HIP1: variants seen among roughly 807,000 people sequenced by gnomAD.
HIP1 encodes huntingtin interacting protein 1, also known as huntingtin-interacting protein 1.
In HIP1, 65 loss-of-function variants were observed where a neutral mutation model predicts 147.6. The observed-to-expected ratio is 0.44, with a 90% confidence interval of 0.36 to 0.54. HIP1 has a LOEUF of 0.54. HIP1 is among the 20% of genes least tolerant of loss of function. The pLI, the probability that HIP1 is intolerant of heterozygous loss-of-function variation, is 0.00. For synonymous variants in HIP1, 479 were observed against 504.0 expected, an observed-to-expected ratio of 0.95 and a Z score of 0.67; for missense variants, 1,061 against 1,299.6, an observed-to-expected ratio of 0.82 and a Z score of 2.82.
chr7:75,643,576 CT>C (rs782471004), intron 1 of HIP1, among the ~76,000 whole-genome samples: 13 of 152,064 alleles, frequency 8.5e-5, no homozygotes, highest in Non-Finnish European at 1.3e-4. Flanking sequence ...TGGATGAGAC[CT>C]GGGAAGGGCA....
intron 28 of HIP1, 70 bp downstream of exon 28, chr7:75,542,781 G>C: frequency 6.9e-7 from 1 of 1,455,022 alleles, no homozygotes; most frequent in Non-Finnish European, 9.6e-7. Flanking sequence ...ATTTGGTTGG[G>C]ATCACAGGGA....
intron 1 of HIP1, among the ~76,000 whole-genome samples, chr7:75,622,147 G>C (rs915330843): frequency 1.1e-4 from 16 of 152,054 alleles, no homozygotes; most frequent in Middle Eastern, 3.4e-3. Context: ...CAGATGTGGT[G>C]GTGCACGCCA....
At chr7:75,662,124 T>C (rs1356797938) in intron 1 of HIP1, among the ~76,000 whole-genome samples, 2 of 144,378 alleles carry the variant, frequency 1.4e-5, no homozygotes, top group African/African-American at 2.6e-5. Context: ...GGCGATGTCA[T>C]GGGGGATGAA....
At position 75,533,557 on chromosome 7, in the gene HIP1, G is replaced by C. The variant is rs1169204747; in HGVS notation, c.*4615C>G. 1 of 231,960 alleles carries C rather than the reference G, an allele frequency of 4.3e-6. No individual in the cohort carries two copies. Among genetic ancestry groups the C allele is most frequent in the Non-Finnish European group, 8.5e-6 (1 of 117,346 alleles). The allele number at this position is 231,960 out of a possible 1,614,324, so 14.4% of individuals were successfully genotyped here. The stretch of plus-strand genomic sequence containing the variant: ...TGCAAACTGAAATGTGAAAGAGTCT[G>C]TTATAAGTTTGAGACAACTGCATTA... On this transcript the variant is annotated 3_prime_UTR_variant, in exon 31 of 31. Coordinates refer to ENST00000336926, the MANE Select transcript of HIP1 (RefSeq NM_005338.7).
chr7:75,731,417 A>G (rs1279738291), intron 1 of HIP1, among the ~76,000 whole-genome samples: 1 of 146,252 alleles, frequency 6.8e-6, no homozygotes, highest in African/African-American at 2.5e-5. Context: ...CAGGAGTCAC[A>G]TATTGTAGTG....
At chr7:75,542,262 G>C (rs1794350105) in intron 28 of HIP1, among the ~76,000 whole-genome samples, 1 of 152,020 alleles carries the variant, frequency 6.6e-6, no homozygotes, top group Non-Finnish European at 1.5e-5. Flanking sequence ...TGGGTGCAGT[G>C]GTGGGCGCCT....
chr7:75,726,301 T>G (rs1416545034), intron 1 of HIP1, among the ~76,000 whole-genome samples: 1 of 152,056 alleles, frequency 6.6e-6, no homozygotes, highest in East Asian at 1.9e-4. Context: ...TTTTTTTCTT[T>G]GAGACGGAGT....
chr7:75,568,500 C>T lies in HIP1; in HGVS notation c.746-244G>A, dbSNP rs1795496319. Among the ~76,000 whole-genome samples, 2 of 152,178 alleles carry T rather than the reference C, an allele frequency of 1.3e-5. No homozygotes were observed. The highest frequency in any genetic ancestry group is 4.8e-5 in the African/African-American group (2 of 41,452). ...CTTCAATTAGTTCCTGAAGGACAAG[C>T]CATGCCGGGCACAATAGGGTGGAAA... On this transcript the variant is annotated intron_variant, in intron 8 of 30. Transcript: ENST00000336926. The surrounding 1 kb of genome is among the most constrained non-coding windows in gnomAD (Gnocchi z 4.1).
chr7:75,588,114 C>T lies in HIP1; in HGVS notation c.385-1281G>A, dbSNP rs1301191411. ...TATGAAGAATTCTACCGCCTCAAAT[C>T]ACCGCTGTGATTGGGGAAGGAAAAT... On this transcript the variant is annotated intron_variant, in intron 4 of 30. Coordinates refer to ENST00000336926, the MANE Select transcript of HIP1 (RefSeq NM_005338.7). 2.0e-5 allele frequency among the ~76,000 whole-genome samples: 3 copies of T among 152,354 alleles called. No homozygotes were observed. The East Asian group carries it at 5.8e-4, about 29-fold the overall frequency.
chr7:75,562,927 G>A lies in HIP1; in HGVS notation c.1020+8C>T, dbSNP rs1554494842. 1 of 1,614,018 alleles carries A rather than the reference G, an allele frequency of 6.2e-7. No individual in the cohort carries two copies. Among genetic ancestry groups the A allele is most frequent in the Non-Finnish European group, 8.5e-7 (1 of 1,179,958 alleles). ...AAAGGCCAAGTTTCTCTCCCAAGTGGTCCTCACCTGCTGAGAGGCATCCAT... is the reference window on the plus strand; with the variant it reads ...AAAGGCCAAGTTTCTCTCCCAAGTGATCCTCACCTGCTGAGAGGCATCCAT... On this transcript the variant is annotated splice_region_variant and intron_variant, in intron 11 of 30. Coordinates refer to ENST00000336926, the MANE Select transcript of HIP1 (RefSeq NM_005338.7).
intron 1 of HIP1, among the ~76,000 whole-genome samples, chr7:75,673,760 G>A (rs1554515638): frequency 6.8e-6 from 1 of 148,124 alleles, no homozygotes; most frequent in East Asian, 2.0e-4. Context: ...CAAGGTGGGT[G>A]GATTGCTTGA....
intron 8 of HIP1, among the ~76,000 whole-genome samples, chr7:75,572,376 C>T (rs1484929386): frequency 6.6e-6 from 1 of 152,158 alleles, no homozygotes; most frequent in Non-Finnish European, 1.5e-5. Flanking sequence ...TATATTTCTC[C>T]ATAAAATTCC....
chr7:75,619,515 C>CAAAAAA lies in HIP1; in HGVS notation c.121-20274_121-20269dup, dbSNP rs587631989. ...TGGGCGACAGAGCAAGACTTTGTCT[C>CAAAAAA]AAAAAAAAAAAAAAAAGAGAAGAAA... On this transcript the variant is annotated intron_variant, in intron 1 of 30. Coordinates refer to ENST00000336926, the MANE Select transcript of HIP1 (RefSeq NM_005338.7). 3.3e-3 allele frequency among the ~76,000 whole-genome samples: 359 copies of CAAAAAA among 109,618 alleles called. 2 individuals are homozygous for CAAAAAA. The highest frequency in any genetic ancestry group is 7.6e-3 in the African/African-American group (225 of 29,666). The allele number at this position is 109,618 out of a possible 152,430, so 71.9% of individuals were successfully genotyped here. A position where few individuals can be genotyped will look rare whatever the true frequency, so the allele number is the denominator to read the frequency against.
chr7:75,647,776 C>T (rs911006461), intron 1 of HIP1, among the ~76,000 whole-genome samples: 2 of 152,222 alleles, frequency 1.3e-5, no homozygotes, highest in African/African-American at 4.8e-5. Flanking sequence ...TAGGGAGGCA[C>T]CATGCACTTG....
rs1794068486 is a variant in HIP1 at position 75,535,986 on chromosome 7, T to G, written c.*2186A>C. 2.2e-5 allele frequency: 4 copies of G among 178,940 alleles called. No individual in the cohort carries two copies. Among genetic ancestry groups the G allele is most frequent in the Non-Finnish European group, 4.8e-5 (4 of 83,518 alleles). 11.1% of individuals were successfully genotyped at this position (178,940 alleles called of 1,614,324 possible). A position where few individuals can be genotyped will look rare whatever the true frequency, so the allele number is the denominator to read the frequency against. ...ACCTCAGCCTCTCAAAGTGCTGGGA[T>G]TACAGGCGTGAGCCACTGTGCCCGG... On this transcript the variant is annotated 3_prime_UTR_variant, in exon 31 of 31. Transcript: ENST00000336926.
intron 1 of HIP1, among the ~76,000 whole-genome samples, chr7:75,603,040 C>T (rs587700640): frequency 1.3e-5 from 2 of 151,880 alleles, no homozygotes; most frequent in East Asian, 1.9e-4. Flanking sequence ...CCAGCGGCCA[C>T]GAGAAGCTAG....
chr7:75,547,620 T>C, intron 24 of HIP1, 135 bp downstream of exon 24: 1 of 756,328 alleles, frequency 1.3e-6, no homozygotes, highest in Non-Finnish European at 2.4e-6. Context: ...CTGTTATTGA[T>C]GATTACATCA....
chr7:75,541,672 G>A (rs1230013171), intron 29 of HIP1, among the ~76,000 whole-genome samples: 1 of 151,764 alleles, frequency 6.6e-6, no homozygotes, highest in Non-Finnish European at 1.5e-5. Flanking sequence ...CTCCAGTCTG[G>A]GCGACAGGAC....
At chr7:75,728,047 C>T (rs1801709869) in intron 1 of HIP1, among the ~76,000 whole-genome samples, 1 of 152,136 alleles carries the variant, frequency 6.6e-6, no homozygotes, top group Non-Finnish European at 1.5e-5. Flanking sequence ...CTCTCTGAGC[C>T]TCAGTGTCTG....
Sources: allele counts gnomAD v4.1 joint callset (sites outside exome capture counted in the v4.1 genomes callset), GRCh38; gene constraint gnomAD v4.1.1; non-coding constraint Gnocchi (gnomAD v3.1); transcripts MANE v1.5; gene names NCBI Gene and HGNC (gene_info 2026-07-23, HGNC 2026-07-21).